TRAFD1: variants seen among roughly 807,000 people sequenced by gnomAD.
TRAFD1 encodes TRAF-type zinc finger domain-containing protein 1.
A neutral mutation model predicts 65.3 loss-of-function variants in TRAFD1; 38 were observed. That is an observed-to-expected ratio of 0.58 (90% CI 0.45 to 0.76). The LOEUF is 0.76. Ranked by LOEUF, TRAFD1 falls within the 30% of genes least tolerant of loss-of-function variation. The pLI is 0.00. For synonymous variants in TRAFD1, 223 were observed against 257.2 expected (o/e 0.87, Z 1.27); for missense variants, 631 against 712.6 (o/e 0.89, Z 1.30).
At chr12:112,141,888 T>A (rs371049394) in intron 5 of TRAFD1, 40 of 575,362 alleles carry the variant, frequency 7.0e-5, no homozygotes, top group African/African-American at 6.5e-4. Flanking sequence ...ACAGTTAGAA[T>A]AATAATGGAG....
chr12:112,135,492 G>C (rs2079593945), intron 4 of TRAFD1, among the ~76,000 whole-genome samples: 1 of 152,082 alleles, frequency 6.6e-6, no homozygotes, highest in African/African-American at 2.4e-5. Context: ...GGAGTGCAGT[G>C]GTGTGATCTC....
chr12:112,136,135 A>C (rs987364848), intron 4 of TRAFD1, among the ~76,000 whole-genome samples: 2 of 151,514 alleles, frequency 1.3e-5, no homozygotes, highest in Non-Finnish European at 2.9e-5. Context: ...TCTCAAAAAA[A>C]AAAAACCCAA....
At position 112,152,675 on chromosome 12, in the gene TRAFD1, G is replaced by A; in HGVS notation, c.1693-60G>A. 1 of 1,612,792 alleles carries A rather than the reference G, an allele frequency of 6.2e-7. No homozygotes were observed. The highest frequency in any genetic ancestry group is 8.5e-7 in the Non-Finnish European group (1 of 1,178,984). On this transcript the variant is annotated intron_variant, in intron 11 of 11. Transcript: ENST00000412615. This position sits in a 1 kb window ranked among gnomAD's most constrained non-coding sequence, Gnocchi z 5.0. ...GCGGGACATTTTCGGGGATCCAGGGGAGGAGTAATGCTTTTTCACTTTTTA... is the reference window on the plus strand; with the variant it reads ...GCGGGACATTTTCGGGGATCCAGGGAAGGAGTAATGCTTTTTCACTTTTTA...
At chr12:112,142,375 A>G (rs1402237811) in intron 6 of TRAFD1, 80 bp downstream of exon 6, 9 of 1,458,314 alleles carry the variant, frequency 6.2e-6, no homozygotes, top group Non-Finnish European at 8.4e-6. Flanking sequence ...ATACAATTGA[A>G]AGATTTTAAT....
chr12:112,135,223 T>G (rs2079591812), intron 4 of TRAFD1, among the ~76,000 whole-genome samples, 157 bp downstream of exon 4: 1 of 152,224 alleles, frequency 6.6e-6, no homozygotes, highest in African/African-American at 2.4e-5. Flanking sequence ...ATGTAACTGC[T>G]GCCAGATTCG....
intron 1 of TRAFD1, among the ~76,000 whole-genome samples, chr12:112,127,910 C>T (rs2079548738): frequency 6.6e-6 from 1 of 151,550 alleles, no homozygotes; most frequent in Non-Finnish European, 1.5e-5. Flanking sequence ...TACTATGTTT[C>T]CTGGCTGGCC....
In TRAFD1 at chr12:112,125,764, A is replaced by G. The variant is rs907205992; in HGVS notation, c.-13+146A>G. The stretch of plus-strand genomic sequence containing the variant: ...GAGGAGAGGATGCCCGCGCGGCGGC[A>G]TCTCAGGCACCTGGAGGAGGCCGCG... On this transcript the variant is annotated intron_variant, in intron 1 of 11. Coordinates refer to ENST00000412615, the MANE Select transcript of TRAFD1 (RefSeq NM_006700.3). 6 of 152,320 alleles carry G rather than the reference A, an allele frequency of 3.9e-5. 1 individual carries two copies. Among genetic ancestry groups the G allele is most frequent in the African/African-American group, 1.4e-4 (6 of 41,464 alleles). 9.4% of individuals were successfully genotyped at this position (152,320 alleles called of 1,614,324 possible). A position where few individuals can be genotyped will look rare whatever the true frequency, so the allele number is the denominator to read the frequency against.
chr12:112,129,759 C>T (rs539534838), intron 1 of TRAFD1, among the ~76,000 whole-genome samples: 16 of 151,802 alleles, frequency 1.1e-4, no homozygotes, highest in Non-Finnish European at 1.8e-4. Flanking sequence ...TCTCCTGCCT[C>T]AGCCTCGCGA....
At chr12:112,149,461 G>C in intron 8 of TRAFD1, 1 of 287,878 alleles carries the variant, frequency 3.5e-6, no homozygotes, top group Non-Finnish European at 6.8e-6. Flanking sequence ...TATTGCACTT[G>C]AATAGTCTTA....
chr12:112,142,104 G>C lies in TRAFD1; in HGVS notation c.659G>C (p.Arg220Thr), dbSNP rs764778877. Residue 220 changes from arginine (R) to threonine (T), a missense_variant, in exon 6 of 12, where the codon AGG (arginine) becomes ACG (threonine). Arg to Thr is a moderately conservative substitution (Grantham distance 71). Coordinates refer to ENST00000412615, the MANE Select transcript of TRAFD1 (RefSeq NM_006700.3). ...IQNNLFEEQE[R>T]QERNRGQQPP... is the part of the protein sequence containing the mutation. ...TTTTTTTCAGTTGAAGAACAAGAGA[G>C]GCAGGAAAGGAATAGAGGCCAACAG... 1.2e-6 allele frequency: 2 copies of C among 1,613,242 alleles called. No individual in the cohort carries two copies. Among genetic ancestry groups the C allele is most frequent in the South Asian group, 2.2e-5 (2 of 91,056 alleles).
At chr12:112,135,832 T>G (rs1196845046) in intron 4 of TRAFD1, among the ~76,000 whole-genome samples, 2 of 151,784 alleles carry the variant, frequency 1.3e-5, no homozygotes, top group Non-Finnish European at 2.9e-5. Flanking sequence ...AAGGTTTTTT[T>G]TTTTTTTTTT....
Position 112,130,379 on chromosome 12 carries a change from A to T in TRAFD1, c.-12-132A>T, listed in dbSNP as rs1311924127. On this transcript the variant is annotated intron_variant, in intron 1 of 11. Transcript: ENST00000412615. This position sits in a 1 kb window ranked among gnomAD's most constrained non-coding sequence, Gnocchi z 4.4. ...ATAAGAAAATCCCAAGGGACTGGAT[A>T]TTGAATAAAATGCTTTAACATGCAG... is the stretch of plus-strand genomic sequence containing the variant. 8 of 561,872 alleles carry T rather than the reference A, an allele frequency of 1.4e-5. No homozygotes were observed. The highest frequency in any genetic ancestry group is 2.5e-5 in the Non-Finnish European group (8 of 317,854). The allele number at this position is 561,872 out of a possible 1,614,324, so 34.8% of individuals were successfully genotyped here. A position where few individuals can be genotyped will look rare whatever the true frequency, so the allele number is the denominator to read the frequency against.
chr12:112,143,616 C>G (rs369235812), intron 6 of TRAFD1, among the ~76,000 whole-genome samples: 119 of 152,102 alleles, frequency 7.8e-4, no homozygotes, highest in African/African-American at 2.8e-3. Flanking sequence ...TTAAGATTTT[C>G]ACTTAGTGAT....
Position 112,152,149 on chromosome 12 carries a change from C to A in TRAFD1, c.1619+9C>A. 6.2e-7 allele frequency: 1 copy of A among 1,604,322 alleles called. No individual in the cohort carries two copies. The stretch of plus-strand genomic sequence containing the variant: ...GGGAGATACGGAGCTAGGTAAGAAT[C>A]AGTAGCCCAGGAATGGGGCTTGGGA... On this transcript the variant is annotated intron_variant, in intron 10 of 11. Coordinates refer to ENST00000412615, the MANE Select transcript of TRAFD1 (RefSeq NM_006700.3). This position sits in a 1 kb window ranked among gnomAD's most constrained non-coding sequence, Gnocchi z 5.0.
intron 7 of TRAFD1, among the ~76,000 whole-genome samples, chr12:112,146,119 T>C (rs1463423385): frequency 1.4e-5 from 2 of 147,526 alleles, no homozygotes; most frequent in South Asian, 2.1e-4. Context: ...TGTATACATA[T>C]GTAACTAACC....
Position 112,152,091 on chromosome 12 carries a change from A to AACATTGTGCCCTC in TRAFD1, c.1571_1583dup (p.Phe529HisfsTer16). The AACATTGTGCCCTC allele has an allele frequency of 6.2e-7, 1 of 1,614,010 alleles. No homozygotes were observed. Among genetic ancestry groups the AACATTGTGCCCTC allele is most frequent in the Non-Finnish European group, 8.5e-7 (1 of 1,179,886 alleles). On this transcript the variant is annotated frameshift_variant, in exon 10 of 12. Transcript: ENST00000412615. LOFTEE classifies it high-confidence loss of function. The surrounding 1 kb of genome is among the most constrained non-coding windows in gnomAD (Gnocchi z 5.0). ...CCCTCCTCAAAATCTCTACCCAGAAAACATTGTGCCCTCTTTCTCCCCTGG... is the reference window on the plus strand; with the variant it reads ...CCCTCCTCAAAATCTCTACCCAGAAAACATTGTGCCCTCACATTGTGCCCTCTTTCTCCCCTGG...
At chr12:112,144,538 T>C (rs2030184583) in intron 6 of TRAFD1, among the ~76,000 whole-genome samples, 2 of 152,188 alleles carry the variant, frequency 1.3e-5, no homozygotes, top group Non-Finnish European at 2.9e-5. Flanking sequence ...CCCAAAGTGC[T>C]GGGATTATAG....
chr12:112,145,854 A>G (rs2030225663), intron 7 of TRAFD1, among the ~76,000 whole-genome samples, 192 bp downstream of exon 7: 1 of 152,124 alleles, frequency 6.6e-6, no homozygotes, highest in South Asian at 2.1e-4. Flanking sequence ...AGAAAAAGTG[A>G]TGGCATCCTT....
At position 112,149,733 on chromosome 12, in the gene TRAFD1, C is replaced by T; in HGVS notation, c.1159-18C>T. 6.2e-7 allele frequency: 1 copy of T among 1,613,776 alleles called. No homozygotes were observed. The highest frequency in any genetic ancestry group is 8.5e-7 in the Non-Finnish European group (1 of 1,179,794). On this transcript the variant is annotated intron_variant, in intron 8 of 11. Transcript: ENST00000412615. ...ATGACTCAATTCAGAGGTACTAATT[C>T]TGGTTTTTCTTGTTTAGGACCAGTG...
Sources: allele counts gnomAD v4.1 joint callset (sites outside exome capture counted in the v4.1 genomes callset), GRCh38; gene constraint gnomAD v4.1.1; non-coding constraint Gnocchi (gnomAD v3.1); transcripts MANE v1.5; gene names NCBI Gene and HGNC (gene_info 2026-07-23, HGNC 2026-07-21).